Variants in GPC6 observed in about 807,000 individuals in gnomAD.
The protein encoded by GPC6 is glypican 6, also known as glypican-6.
A neutral mutation model predicts 55.2 loss-of-function variants in GPC6; 14 were observed. The ratio of observed to expected loss-of-function variants is 0.25; its 90% CI spans 0.17 to 0.40. The LOEUF is 0.40. Among genes scored for constraint, GPC6 ranks in the 10% least tolerant of loss-of-function variants. The pLI, the probability that GPC6 is intolerant of heterozygous loss-of-function variation, is 1.00. For missense variants in GPC6, 641 were observed against 708.5 expected (o/e 0.90, Z 1.08); for synonymous variants, 278 against 259.6 (o/e 1.07, Z -0.68).
chr13:94,071,389 T>G (rs1884729375), intron 4 of GPC6, among the ~76,000 whole-genome samples: 1 of 152,220 alleles, frequency 6.6e-6, no homozygotes, highest in South Asian at 2.1e-4. Context: ...ATTTAACTAA[T>G]CCAAATTGGC....
intron 2 of GPC6, among the ~76,000 whole-genome samples, chr13:93,795,920 A>G (rs892305142): frequency 6.6e-6 from 1 of 152,018 alleles, no homozygotes; most frequent in African/African-American, 2.4e-5. Context: ...ATTTTTCTTA[A>G]GGGTTAAGGC....
At chr13:93,868,373 T>G (rs1889033533) in intron 3 of GPC6, among the ~76,000 whole-genome samples, 1 of 151,838 alleles carries the variant, frequency 6.6e-6, no homozygotes, top group African/African-American at 2.4e-5. Context: ...TTATGCTTCT[T>G]TTATTAAGTT....
At chr13:93,685,053 A>T (rs1188593374) in intron 2 of GPC6, among the ~76,000 whole-genome samples, 2 of 152,256 alleles carry the variant, frequency 1.3e-5, no homozygotes, top group Non-Finnish European at 2.9e-5. Context: ...TTATGAATAA[A>T]GATTTTAAGA....
chr13:93,759,073 A>G (rs1249564925), intron 2 of GPC6, among the ~76,000 whole-genome samples: 1 of 152,114 alleles, frequency 6.6e-6, no homozygotes, highest in Admixed American at 6.6e-5. Context: ...ATTAAGCTGC[A>G]AGATACAGCC....
intron 6 of GPC6, among the ~76,000 whole-genome samples, chr13:94,358,973 A>AG (rs1475183972): frequency 1.1e-4 from 16 of 152,238 alleles, no homozygotes; most frequent in Non-Finnish European, 1.6e-4. Context: ...GACCAAAAAA[A>AG]GTAAAATCAA....
chr13:94,054,157 T>G (rs896500697), intron 4 of GPC6, among the ~76,000 whole-genome samples: 1 of 152,176 alleles, frequency 6.6e-6, no homozygotes, highest in South Asian at 2.1e-4. Context: ...AAGAGGGGAC[T>G]CTAAACCGAG....
intron 2 of GPC6, among the ~76,000 whole-genome samples, chr13:93,718,894 A>G (rs1224500659): frequency 1.3e-5 from 2 of 152,150 alleles, no homozygotes; most frequent in East Asian, 3.9e-4. Flanking sequence ...AGATGGTTGT[A>G]GATGTGTAGT....
chr13:93,518,885 A>T (rs772910835), intron 1 of GPC6, among the ~76,000 whole-genome samples: 37 of 152,028 alleles, frequency 2.4e-4, no homozygotes, highest in Non-Finnish European at 4.9e-4. Flanking sequence ...TTCTAGGCTA[A>T]ACCAGGGATT....
At chr13:94,260,600 C>T (rs965325788) in intron 4 of GPC6, among the ~76,000 whole-genome samples, 2 of 152,154 alleles carry the variant, frequency 1.3e-5, no homozygotes, top group African/African-American at 4.8e-5. Flanking sequence ...CTTTAATCAG[C>T]CCTTTGAAGA....
intron 3 of GPC6, among the ~76,000 whole-genome samples, chr13:93,840,279 C>G (rs1242252194): frequency 2.0e-5 from 3 of 152,126 alleles, no homozygotes; most frequent in East Asian, 3.9e-4. Context: ...ACTGACACCA[C>G]TGAAACACAA....
intron 3 of GPC6, among the ~76,000 whole-genome samples, chr13:93,924,658 T>C (rs1034627207): frequency 1.4e-4 from 21 of 151,742 alleles, no homozygotes; most frequent in Non-Finnish European, 1.6e-4. Flanking sequence ...ATTGATACAT[T>C]AGAGTGATTG....
intron 2 of GPC6, among the ~76,000 whole-genome samples, chr13:93,566,673 G>A (rs7333389): frequency 0.57 from 86,189 of 151,792 alleles, 26,492 homozygotes; most frequent in Non-Finnish European, 0.69. Context: ...CCATCAACCC[G>A]TCATCTACAT....
intron 1 of GPC6, among the ~76,000 whole-genome samples, chr13:93,447,878 G>A (rs1878066638): frequency 6.6e-6 from 1 of 152,150 alleles, no homozygotes; most frequent in Non-Finnish European, 1.5e-5. Context: ...AAGTCTGATA[G>A]CCTGAGCATT....
intron 1 of GPC6, among the ~76,000 whole-genome samples, chr13:93,520,598 C>A (rs977711227): frequency 1.3e-5 from 2 of 151,052 alleles, no homozygotes; most frequent in African/African-American, 2.4e-5. Flanking sequence ...TGAAACAAGT[C>A]TTTTAAAAAT....
intron 3 of GPC6, among the ~76,000 whole-genome samples, chr13:93,978,713 C>G (rs1273808291): frequency 6.6e-6 from 1 of 152,144 alleles, no homozygotes; most frequent in African/African-American, 2.4e-5. Context: ...CCACTTCCTT[C>G]TCTCAACTGA....
At chr13:94,367,486 G>A (rs917707555) in intron 6 of GPC6, among the ~76,000 whole-genome samples, 1 of 152,216 alleles carries the variant, frequency 6.6e-6, no homozygotes, top group African/African-American at 2.4e-5. Flanking sequence ...TTGAAAGTTT[G>A]TTGTTGTTTT....
intron 4 of GPC6, among the ~76,000 whole-genome samples, chr13:94,117,103 A>G (rs528362650): frequency 4.6e-5 from 7 of 152,114 alleles, no homozygotes; most frequent in Non-Finnish European, 1.0e-4. Context: ...ATTCCATAAC[A>G]ATCATTGTTC....
chr13:93,986,032 C>G (rs372610054), intron 3 of GPC6, among the ~76,000 whole-genome samples: 12 of 151,936 alleles, frequency 7.9e-5, no homozygotes, highest in African/African-American at 2.2e-4. Flanking sequence ...TTTTTTGTTA[C>G]CGGATAGACA....
At chr13:93,387,297 GT>G (rs1875446228) in intron 1 of GPC6, among the ~76,000 whole-genome samples, 1 of 152,064 alleles carries the variant, frequency 6.6e-6, no homozygotes, top group African/African-American at 2.4e-5. Context: ...CATGCACCAG[GT>G]ACCTGTACTA....
Sources: allele counts gnomAD v4.1 joint callset (sites outside exome capture counted in the v4.1 genomes callset), GRCh38; gene constraint gnomAD v4.1.1; transcripts MANE v1.5; gene names NCBI Gene and HGNC (gene_info 2026-07-23, HGNC 2026-07-21).